Variants in SFTPB observed in about 807,000 individuals in gnomAD.
SFTPB encodes surfactant protein B.
SFTPB carries 32 observed loss-of-function variants against 51.0 expected under a neutral mutation model. That is an observed-to-expected ratio of 0.63 (90% CI 0.47 to 0.84). The LOEUF (loss-of-function observed/expected upper bound fraction) is 0.84. SFTPB is among the 40% of genes least tolerant of loss of function. The probability of loss-of-function intolerance (pLI) is 0.00; values close to 1 mark genes in which losing one functional copy is unlikely to be tolerated. For missense variants in SFTPB, 431 were observed against 491.2 expected (o/e 0.88, Z 1.16); for synonymous variants, 211 against 208.5 (o/e 1.01, Z -0.10).
At chr2:85,660,122 CTTTT>C (rs34073715) in intron 10 of SFTPB, among the ~76,000 whole-genome samples, 4 of 135,164 alleles carry the variant, frequency 3.0e-5, no homozygotes, top group Admixed American at 1.5e-4. Flanking sequence ...GCACCCACTA[CTTTT>C]TTTTTTTTTT....
chr2:85,662,214 ACTC>A (rs1204385744), intron 8 of SFTPB, 105 bp from the exon 9 acceptor site: 3 of 1,536,388 alleles, frequency 2.0e-6, no homozygotes, highest in African/African-American at 2.8e-5. Flanking sequence ...CTCCCTCCCG[ACTC>A]CTCCATCAGC....
chr2:85,665,733 T>TGCTCTG lies in SFTPB; in HGVS notation c.449_454dup (p.Pro150_Glu151dup). 1 of 1,614,224 alleles carries TGCTCTG rather than the reference T, an allele frequency of 6.2e-7. No individual in the cohort carries two copies. The highest frequency in any genetic ancestry group is 8.5e-7 in the Non-Finnish European group (1 of 1,180,038). ...CAGGGGGTCTGACATCCCTGGCTCC[T>TGCTCTG]GCTCTGGCTCTGGCTGCCGGGATTT... On this transcript the variant is annotated inframe_insertion, in exon 5 of 11. Transcript: ENST00000519937.
At chr2:85,666,361 G>T (rs111207274) in intron 4 of SFTPB, among the ~76,000 whole-genome samples, 50 of 142,240 alleles carry the variant, frequency 3.5e-4, no homozygotes, top group African/African-American at 1.2e-3. Context: ...ATAGGGTGCT[G>T]TGTGTGTGTG....
chr2:85,660,674 C>G (rs3024820), intron 10 of SFTPB, among the ~76,000 whole-genome samples: 1 of 149,838 alleles, frequency 6.7e-6, no homozygotes. Flanking sequence ...AGGCTAGTCT[C>G]GAACTCCTGA....
chr2:85,662,771 C>G (rs904354097), intron 8 of SFTPB, among the ~76,000 whole-genome samples: 1 of 138,176 alleles, frequency 7.2e-6, no homozygotes, highest in Admixed American at 8.5e-5. Context: ...AACCCGGAGG[C>G]AGAGGTTGCA....
At chr2:85,667,998 T>C in intron 1 of SFTPB, 119 bp downstream of exon 1, 1 of 1,191,950 alleles carries the variant, frequency 8.4e-7, no homozygotes, top group Non-Finnish European at 1.2e-6. Context: ...CTGAACCCTC[T>C]CTGAACCCCA....
At chr2:85,661,300 G>C in intron 10 of SFTPB, 154 bp downstream of exon 10, 1 of 576,574 alleles carries the variant, frequency 1.7e-6, no homozygotes, top group Non-Finnish European at 3.1e-6. Flanking sequence ...CCAGCCAGAA[G>C]CCCTCAGGAG....
In SFTPB at chr2:85,666,699, G is replaced by C; in HGVS notation, c.311C>G (p.Pro104Arg). The stretch of plus-strand genomic sequence containing the variant: ...GCACTGGGGCATGAGCAGCTTCAAG[G>C]GGAGGACGTTGCACTCCTGCTCCAG... ...KFLEQECNVL[P>R]LKLLMPQCNQ... is the part of the protein sequence containing the mutation. The change falls in exon 4 of 11, where the codon CCC (proline) becomes CGC (arginine). Residue 104 changes from proline (P) to arginine (R), a missense_variant. By Grantham distance (103) the Pro-to-Arg change is moderately radical. Transcript: ENST00000519937. The C allele has an allele frequency of 6.2e-7, 1 of 1,613,826 alleles. No individual in the cohort carries two copies. Among genetic ancestry groups the C allele is most frequent in the Non-Finnish European group, 8.5e-7 (1 of 1,179,850 alleles).
intron 8 of SFTPB, among the ~76,000 whole-genome samples, chr2:85,662,792 A>T (rs35369826): frequency 0.019 from 2,645 of 135,650 alleles, 32 homozygotes; most frequent in South Asian, 0.035. Flanking sequence ...GTGAGCCAAG[A>T]TTGTGCCATT....
intron 10 of SFTPB, among the ~76,000 whole-genome samples, chr2:85,660,652 G>T (rs373091475): frequency 6.7e-6 from 1 of 149,688 alleles, no homozygotes; most frequent in Non-Finnish European, 1.5e-5. Context: ...ACAGGGTTTC[G>T]CCATGTTGGC....
At chr2:85,659,797 T>C (rs541703568) in intron 10 of SFTPB, 115 bp from the exon 11 acceptor site, 1 of 152,536 alleles carries the variant, frequency 6.6e-6, no homozygotes, top group Non-Finnish European at 1.5e-5. Flanking sequence ...CCCACTGGTC[T>C]TGCTGTTTCA....
chr2:85,666,204 CTGTGTGTGTGCTG>C (rs1488441364), intron 4 of SFTPB, among the ~76,000 whole-genome samples: 3 of 119,476 alleles, frequency 2.5e-5, no homozygotes, highest in African/African-American at 1.1e-4. Context: ...AGCTGGGGTG[CTGTGTGTGTGCTG>C]TGTGTGTGTG....
At chr2:85,660,032 G>A (rs923619540) in intron 10 of SFTPB, among the ~76,000 whole-genome samples, 2 of 152,142 alleles carry the variant, frequency 1.3e-5, no homozygotes, top group Non-Finnish European at 2.9e-5. Flanking sequence ...GCCTCAGATG[G>A]AAGAAGTGGA....
At chr2:85,661,993 G>A (rs756536779) in intron 9 of SFTPB, 36 bp downstream of exon 9, 58 of 1,568,024 alleles carry the variant, frequency 3.7e-5, no homozygotes, top group East Asian at 9.2e-5. Context: ...GGGAGCCAAG[G>A]GAAGTCCTAG....
upstream of SFTPB, chr2:85,668,291 T>C: frequency 9.3e-7 from 1 of 1,077,876 alleles, no homozygotes; most frequent in Non-Finnish European, 1.4e-6. Flanking sequence ...GTCTTTGCTC[T>C]GAAGAGCCCT....
intron 9 of SFTPB, 75 bp from the exon 10 acceptor site, chr2:85,661,610 C>T: frequency 1.6e-6 from 2 of 1,272,804 alleles, no homozygotes; most frequent in South Asian, 1.3e-5. Flanking sequence ...CGGGAAAGAA[C>T]AGCACTCACT....
chr2:85,668,297 G>A (rs1263993006), upstream of SFTPB: 2 of 1,021,904 alleles, frequency 2.0e-6, no homozygotes, highest in South Asian at 1.4e-5. Flanking sequence ...GCTCTGAAGA[G>A]CCCTCCAGGT....
chr2:85,661,404 T>C, intron 10 of SFTPB, 50 bp downstream of exon 10: 1 of 1,333,902 alleles, frequency 7.5e-7, no homozygotes, highest in Non-Finnish European at 1.1e-6. Context: ...CATGCCCTGA[T>C]GGTCAGGACC....
intron 10 of SFTPB, chr2:85,661,249 G>A (rs1342851352): frequency 1.3e-5 from 6 of 475,096 alleles, no homozygotes; most frequent in East Asian, 4.1e-5. Flanking sequence ...GGTTCTGGGC[G>A]GGGCAGTGCT....
Sources: gnomAD v4.1 joint callset for allele counts (sites outside exome capture counted in the v4.1 genomes callset) on GRCh38, gnomAD v4.1.1 for gene constraint, MANE v1.5 for transcripts, NCBI Gene and HGNC (gene_info 2026-07-23, HGNC 2026-07-21) for gene names.